Variants in WNT2 observed in about 807,000 individuals in gnomAD.
WNT2 encodes Wnt family member 2.
In WNT2, 12 loss-of-function variants were observed where a neutral mutation model predicts 36.9. The observed-to-expected ratio is 0.33, with a 90% CI of 0.21 to 0.53. WNT2 has a LOEUF of 0.53. Among genes scored for constraint, WNT2 ranks in the 20% least tolerant of loss-of-function variants. The pLI, the probability that WNT2 is intolerant of heterozygous loss-of-function variation, is 0.95. For synonymous variants in WNT2, 163 were observed against 174.6 expected, an observed-to-expected ratio of 0.93 and a Z score of 0.52; for missense variants, 379 against 473.1, an observed-to-expected ratio of 0.80 and a Z score of 1.84.
intron 1 of WNT2, among the ~76,000 whole-genome samples, chr7:117,321,898 G>A (rs1795337535): frequency 6.6e-6 from 1 of 152,178 alleles, no homozygotes; most frequent in Non-Finnish European, 1.5e-5. Flanking sequence ...TCCCATCAGC[G>A]CATTGCCTTG....
chr7:117,300,772 C>T (rs893479104), intron 3 of WNT2: 4 of 152,276 alleles, frequency 2.6e-5, no homozygotes, highest in African/African-American at 9.6e-5. Context: ...GTACTCCAGC[C>T]TGGGTGACAG....
At chr7:117,307,995 G>T (rs1256652493) in intron 3 of WNT2, among the ~76,000 whole-genome samples, 30 of 152,112 alleles carry the variant, frequency 2.0e-4, no homozygotes, top group Admixed American at 2.0e-3. Flanking sequence ...TATATTTCTG[G>T]TTCTATATCA....
At chr7:117,278,411 T>C in intron 4 of WNT2, 27 bp from the exon 5 acceptor site, 6 of 1,596,128 alleles carry the variant, frequency 3.8e-6, no homozygotes, top group Non-Finnish European at 5.1e-6. Context: ...GGAGTGTTAC[T>C]GAAAAGGTCT....
chr7:117,289,741 T>A (rs1050134517), intron 4 of WNT2, among the ~76,000 whole-genome samples: 19 of 152,208 alleles, frequency 1.2e-4, no homozygotes, highest in Non-Finnish European at 2.6e-4. Flanking sequence ...CTCAGTGGAC[T>A]CCATTGGTAC....
chr7:117,310,815 C>T (rs2116379831), intron 3 of WNT2, among the ~76,000 whole-genome samples: 1 of 152,238 alleles, frequency 6.6e-6, no homozygotes, highest in Non-Finnish European at 1.5e-5. Context: ...ATCTCCAGCT[C>T]AAACACCCAG....
chr7:117,296,423 T>C (rs1196049130), intron 4 of WNT2, among the ~76,000 whole-genome samples: 1 of 152,216 alleles, frequency 6.6e-6, no homozygotes, highest in Admixed American at 6.5e-5. Flanking sequence ...CTTTGCCTCT[T>C]GGTCAATCTA....
At chr7:117,321,544 G>A (rs1258376637) in intron 1 of WNT2, among the ~76,000 whole-genome samples, 3 of 152,132 alleles carry the variant, frequency 2.0e-5, no homozygotes, top group East Asian at 1.9e-4. Flanking sequence ...TCTATTAGTC[G>A]TGAAATGTTT....
chr7:117,322,597 G>A lies in WNT2; in HGVS notation c.83+310C>T, dbSNP rs376776145. 4.0e-5 allele frequency among the ~76,000 whole-genome samples: 6 copies of A among 151,492 alleles called. No individual in the cohort carries two copies. The highest frequency in any genetic ancestry group is 7.4e-5 in the Non-Finnish European group (5 of 67,954). Reference sequence around the variant, plus strand: ...CGTCTGTGCTAGAGCTGGAGACCAGGCTAGCACGTCTCTCAACAGGATAAG... The same window carrying A: ...CGTCTGTGCTAGAGCTGGAGACCAGACTAGCACGTCTCTCAACAGGATAAG... On this transcript the variant is annotated intron_variant, in intron 1 of 4. Coordinates refer to ENST00000265441, the MANE Select transcript of WNT2 (RefSeq NM_003391.3). The surrounding 1 kb of genome is among the most constrained non-coding windows in gnomAD (Gnocchi z 5.4).
At chr7:117,314,207 T>C (rs1050237052) in intron 3 of WNT2, among the ~76,000 whole-genome samples, 1 of 152,232 alleles carries the variant, frequency 6.6e-6, no homozygotes, top group Non-Finnish European at 1.5e-5. Context: ...GTTAATGCTT[T>C]CCACACAAAA....
At position 117,322,578 on chromosome 7, in the gene WNT2, T is replaced by G. The variant is rs535836655; in HGVS notation, c.83+329A>C. ...ACACACACACACACACACACGTCTG[T>G]GCTAGAGCTGGAGACCAGGCTAGCA... On this transcript the variant is annotated intron_variant, in intron 1 of 4. Coordinates refer to ENST00000265441, the MANE Select transcript of WNT2 (RefSeq NM_003391.3). This position sits in a 1 kb window ranked among gnomAD's most constrained non-coding sequence, Gnocchi z 5.4. Among the ~76,000 whole-genome samples, 10 of 128,218 alleles carry G rather than the reference T, an allele frequency of 7.8e-5. No individual in the cohort carries two copies. The highest frequency in any genetic ancestry group is 1.7e-4 in the Non-Finnish European group (10 of 58,932). 84.1% of individuals were successfully genotyped at this position (128,218 alleles called of 152,430 possible).
intron 4 of WNT2, among the ~76,000 whole-genome samples, chr7:117,292,133 G>A (rs1584680685): frequency 6.6e-6 from 1 of 152,126 alleles, no homozygotes; most frequent in African/African-American, 2.4e-5. Context: ...AATCTGAGGG[G>A]CTTGTAATTG....
intron 3 of WNT2, among the ~76,000 whole-genome samples, chr7:117,310,255 G>A (rs1795095215): frequency 6.6e-6 from 1 of 152,016 alleles, no homozygotes; most frequent in Non-Finnish European, 1.5e-5. Context: ...GCAGCCAAAT[G>A]TCTCTGCACA....
In WNT2 at chr7:117,320,779, G is replaced by A. The variant is rs934326644; in HGVS notation, c.98C>T (p.Thr33Ile). Residue 33 changes from threonine (T) to isoleucine (I), a missense_variant, in exon 2 of 5, where the codon ACA becomes ATA. By Grantham distance (89) the Thr-to-Ile change is moderately conservative. Transcript: ENST00000265441. The stretch of plus-strand genomic sequence containing the variant: ...GCACATCACCCTGGAGGAGCCACCT[G>A]TAGCTCTCATGTACCTATAAGGGAC... ...VNSSWWYMRA[T>I]GGSSRVMCDN... 2.5e-5 allele frequency: 40 copies of A among 1,610,902 alleles called. No individual in the cohort carries two copies. The highest frequency in any genetic ancestry group is 3.3e-5 in the Non-Finnish European group (39 of 1,179,556).
rs1795190784 is a variant in WNT2 at position 117,315,086 on chromosome 7, G to A, written c.573C>T (p.Asn191=). 6.2e-7 allele frequency: 1 copy of A among 1,614,018 alleles called. No homozygotes were observed. The highest frequency in any genetic ancestry group is 8.5e-7 in the Non-Finnish European group (1 of 1,180,004). Residue 191 remains asparagine, a synonymous_variant, in exon 3 of 5, where the codon AAC becomes AAT. Transcript: ENST00000265441. ...DARALMNLHN[N]RAGRKAVKRF... ...ATTTCCATACCTTCCTGCCAGCTCTGTTGTTGTGAAGATTCATCAGGGCTC... is the reference window on the plus strand; with the variant it reads ...ATTTCCATACCTTCCTGCCAGCTCTATTGTTGTGAAGATTCATCAGGGCTC...
In WNT2 at chr7:117,305,128, C is replaced by T. The variant is rs79406344; in HGVS notation, c.589-7252G>A. ...TCAGGGTTGGACTGCTCGGGAGCAC[C>T]GTGCTTCCAGCCCGCGTCCTCTAGG... is the stretch of plus-strand genomic sequence containing the variant. On this transcript the variant is annotated intron_variant, in intron 3 of 4. Transcript: ENST00000265441. Among the ~76,000 whole-genome samples, 1,149 of 152,234 alleles carry T rather than the reference C, an allele frequency of 7.5e-3. 17 individuals are homozygous for T. Among genetic ancestry groups the T allele is most frequent in the African/African-American group, 0.027 (1,102 of 41,548 alleles).
chr7:117,321,926 A>G (rs1562833410), intron 1 of WNT2: 1 of 152,356 alleles, frequency 6.6e-6, no homozygotes, highest in East Asian at 1.9e-4. Context: ...GAAGAGCTCC[A>G]GTGTCTTCCT....
At chr7:117,315,479 T>C in intron 2 of WNT2, 131 bp from the exon 3 acceptor site, 1 of 948,624 alleles carries the variant, frequency 1.1e-6, no homozygotes, top group Non-Finnish European at 1.5e-6. Context: ...ACTGATATTC[T>C]TGAAGGGTTC....
chr7:117,314,949 G>C, intron 3 of WNT2, 122 bp downstream of exon 3: 1 of 1,398,278 alleles, frequency 7.2e-7, no homozygotes, highest in South Asian at 1.4e-5. Flanking sequence ...ATGGCTGGGG[G>C]ACAGTAGGAA....
At chr7:117,304,960 A>G (rs1584689897) in intron 3 of WNT2, among the ~76,000 whole-genome samples, 1 of 152,286 alleles carries the variant, frequency 6.6e-6, no homozygotes, top group East Asian at 1.9e-4. Context: ...AGGAAGGAGC[A>G]GGGCTTGTGT....
Sources: gnomAD v4.1 joint callset for allele counts (sites outside exome capture counted in the v4.1 genomes callset) on GRCh38, gnomAD v4.1.1 for gene constraint, Gnocchi (gnomAD v3.1) non-coding constraint, MANE v1.5 for transcripts, NCBI Gene and HGNC (gene_info 2026-07-23, HGNC 2026-07-21) for gene names.